Variants in PABIR3 observed in about 807,000 individuals in gnomAD.
The protein encoded by PABIR3 is PABIR family member 1.
Under a neutral mutation model 23.1 loss-of-function variants are expected in PABIR3, and 20 were observed. That is an observed-to-expected ratio of 0.86 (90% CI 0.61 to 1.26). The LOEUF (loss-of-function observed/expected upper bound fraction) is 1.26, where lower values mean the gene tolerates loss of function less well. PABIR3 is among the 50% of genes most tolerant of loss of function. The probability of loss-of-function intolerance (pLI) is 0.00; values close to 1 mark genes in which losing one functional copy is unlikely to be tolerated. For missense variants in PABIR3, 189 were observed against 195.4 expected (o/e 0.97, Z 0.20); for synonymous variants, 69 against 68.5 (o/e 1.01, Z -0.04).
At chrX:134,826,987 G>A (rs2081531758) in intron 3 of PABIR3, among the ~76,000 whole-genome samples, 1 of 111,325 alleles carries the variant, frequency 9.0e-6, no homozygotes, top group Admixed American at 9.7e-5. Flanking sequence ...TGGAGATGGT[G>A]TCTTGCTCTG....
At chrX:134,849,262 T>A in intron 9 of PABIR3, 34 bp downstream of exon 9, 1 of 591,608 alleles carries the variant, frequency 1.7e-6, no homozygotes, top group Non-Finnish European at 2.3e-6. Context: ...TAAATATAAC[T>A]TTAAGTTATT....
At chrX:134,840,385 CAAAA>C (rs764417295) in intron 4 of PABIR3, among the ~76,000 whole-genome samples, 1 of 109,363 alleles carries the variant, frequency 9.1e-6, no homozygotes, top group African/African-American at 3.3e-5. Flanking sequence ...AAAAACAAAA[CAAAA>C]AAAACATCAT....
At chrX:134,808,243 G>A in intron 2 of PABIR3, 1 of 294,242 alleles carries the variant, frequency 3.4e-6, no homozygotes, top group Non-Finnish European at 5.9e-6. Flanking sequence ...AGGCTGGAGT[G>A]CATTGGCACG....
At chrX:134,820,484 T>A (rs1317898904) in intron 3 of PABIR3, among the ~76,000 whole-genome samples, 2 of 111,198 alleles carry the variant, frequency 1.8e-5, no homozygotes, top group Admixed American at 9.7e-5. Context: ...TGGTGGTTGC[T>A]AGGGGCTGGG....
rs1556347862 is a variant in PABIR3 at position 134,854,275 on chromosome X, AAC to A, written c.*66_*67del. 21 of 1,145,809 alleles carry A rather than the reference AAC, an allele frequency of 1.8e-5. No homozygotes were observed. The highest frequency in any genetic ancestry group is 2.5e-5 in the Non-Finnish European group (21 of 856,226). 94.4% of individuals were successfully genotyped at this position (1,145,809 alleles called of 1,213,427 possible). A position where few individuals can be genotyped will look rare whatever the true frequency, so the allele number is the denominator to read the frequency against. ...CCCAAGACTTTCTCACCAGTGGAGAAACACACACATCAAGCAAACCAAGTCAG... is the reference window on the plus strand; with the variant it reads ...CCCAAGACTTTCTCACCAGTGGAGAAACACACATCAAGCAAACCAAGTCAG... On this transcript the variant is annotated 3_prime_UTR_variant, in exon 11 of 11. Transcript: ENST00000645433.
At chrX:134,801,364 G>A (rs550355113) in intron 1 of PABIR3, among the ~76,000 whole-genome samples, 1 of 112,390 alleles carries the variant, frequency 8.9e-6, no homozygotes, top group East Asian at 2.8e-4. Flanking sequence ...CAAAAGGGAA[G>A]TTTATAATAC....
At chrX:134,850,150 C>T (rs948445048) in intron 9 of PABIR3, among the ~76,000 whole-genome samples, 20 of 109,579 alleles carry the variant, frequency 1.8e-4, no homozygotes, top group African/African-American at 6.6e-4. Context: ...GCTGAGATTG[C>T]AAGCATAAGC....
At chrX:134,832,619 C>T (rs1171264694) in intron 4 of PABIR3, among the ~76,000 whole-genome samples, 2 of 109,842 alleles carry the variant, frequency 1.8e-5, no homozygotes, top group East Asian at 2.9e-4. Context: ...CCAGGCTGGT[C>T]TCGAACTCCT....
At chrX:134,814,424 A>G (rs776006214) in intron 2 of PABIR3, among the ~76,000 whole-genome samples, 2 of 111,875 alleles carry the variant, frequency 1.8e-5, no homozygotes, top group East Asian at 5.6e-4. Context: ...GTGGCCGGGC[A>G]TGGTGGATCA....
chrX:134,836,746 T>C (rs749739347), intron 4 of PABIR3, among the ~76,000 whole-genome samples: 1 of 111,958 alleles, frequency 8.9e-6, no homozygotes, highest in South Asian at 3.7e-4. Flanking sequence ...GATTAGGACT[T>C]CAACACAGGA....
chrX:134,861,689 A>AG, the PABIR3 span, among the ~76,000 whole-genome samples: 1 of 108,516 alleles, frequency 9.2e-6, no homozygotes, highest in African/African-American at 3.3e-5. Flanking sequence ...AAAAAAAAAA[A>AG]AAAAGTAAAG....
At chrX:134,858,755 A>G (rs1208557776), downstream of PABIR3, among the ~76,000 whole-genome samples, 2 of 111,590 alleles carry the variant, frequency 1.8e-5, no homozygotes, top group Non-Finnish European at 3.8e-5. Context: ...CAGATTTCTT[A>G]CAATGTAGTT....
At chrX:134,861,375 T>C in the PABIR3 span, among the ~76,000 whole-genome samples, 1 of 111,251 alleles carries the variant, frequency 9.0e-6, no homozygotes, top group African/African-American at 3.3e-5. Flanking sequence ...GTAAGTTTTA[T>C]GTTAAAAAAC....
Position 134,842,417 on chromosome X carries a change from T to G in PABIR3, c.247-2788T>G, listed in dbSNP as rs189279967. ...AGGTCAGGAGATCGAGACCATCCTG[T>G]CTAACATGGTGAAACCCCGTCTCTA... On this transcript the variant is annotated intron_variant, in intron 4 of 10. Coordinates refer to ENST00000645433, the MANE Select transcript of PABIR3 (RefSeq NM_001388447.1). 2.3e-3 allele frequency among the ~76,000 whole-genome samples: 253 copies of G among 108,997 alleles called. 2 individuals carry two copies. Among genetic ancestry groups the G allele is most frequent in the Non-Finnish European group, 3.7e-3 (194 of 52,279 alleles). The allele number at this position is 108,997 out of a possible 115,157, so 94.7% of individuals were successfully genotyped here.
chrX:134,808,243 G>T (rs998179853), intron 2 of PABIR3: 2 of 292,019 alleles, frequency 6.8e-6, no homozygotes, highest in Non-Finnish European at 1.2e-5. Context: ...AGGCTGGAGT[G>T]CATTGGCACG....
intron 3 of PABIR3, among the ~76,000 whole-genome samples, chrX:134,818,790 A>G (rs898855562): frequency 1.5e-4 from 17 of 111,206 alleles, no homozygotes; most frequent in African/African-American, 5.6e-4. Context: ...GCACTGGCAC[A>G]TACTAAATGC....
chrX:134,855,102 G>C (rs1437542602), downstream of PABIR3, among the ~76,000 whole-genome samples: 2 of 110,277 alleles, frequency 1.8e-5, no homozygotes, highest in African/African-American at 6.6e-5. Flanking sequence ...AAATCTTAAG[G>C]GTTTTTTTTT....
At chrX:134,800,284 G>C (rs2080029794) in intron 1 of PABIR3, among the ~76,000 whole-genome samples, 1 of 102,247 alleles carries the variant, frequency 9.8e-6, no homozygotes, top group Admixed American at 1.0e-4. Flanking sequence ...CTGGGCAACA[G>C]AGCAAGACTC....
At chrX:134,839,275 A>T (rs1603235201) in intron 4 of PABIR3, 1 of 103,588 alleles carries the variant, frequency 9.7e-6, no homozygotes, top group African/African-American at 4.1e-5. Flanking sequence ...CCGCCATCCC[A>T]TCTAGGAAGT....
Sources: gnomAD v4.1 joint callset for allele counts (sites outside exome capture counted in the v4.1 genomes callset) on GRCh38, gnomAD v4.1.1 for gene constraint, MANE v1.5 for transcripts, NCBI Gene and HGNC (gene_info 2026-07-23, HGNC 2026-07-21) for gene names.